The following FAM222B variants were observed in gnomAD, a reference collection of about 807,000 sequenced individuals.
The protein encoded by FAM222B is family with sequence similarity 222 member B.
Under a neutral mutation model 38.0 loss-of-function variants are expected in FAM222B, and 12 were observed. The observed-to-expected ratio is 0.32, with a 90% CI of 0.20 to 0.51. The LOEUF (loss-of-function observed/expected upper bound fraction) is 0.51. Ranked by LOEUF, FAM222B falls within the 20% of genes least tolerant of loss-of-function variation. FAM222B has a pLI of 0.97. For missense variants in FAM222B, 716 were observed against 754.2 expected (o/e 0.95, Z 0.59); for synonymous variants, 329 against 317.2 (o/e 1.04, Z -0.40).
At chr17:28,836,994 T>G (rs910672686) in intron 1 of FAM222B, among the ~76,000 whole-genome samples, 1 of 151,962 alleles carries the variant, frequency 6.6e-6, no homozygotes, top group Non-Finnish European at 1.5e-5. Context: ...GGCGGGCACC[T>G]GTAATCCCAG....
chr17:28,780,257 G>T lies in FAM222B; in HGVS notation c.-40-13550C>A, dbSNP rs181490531. On this transcript the variant is annotated intron_variant, in intron 1 of 2. Coordinates refer to ENST00000581407, the MANE Select transcript of FAM222B (RefSeq NM_001077498.3). ...AGCCACTTTTATTCAACATAGTACT[G>T]TAAGTCCCAGACAGAGCAATTAGGC... is the stretch of plus-strand genomic sequence containing the variant. Among the ~76,000 whole-genome samples, 80 of 152,060 alleles carry T rather than the reference G, an allele frequency of 5.3e-4. No homozygotes were observed. In the Middle Eastern group the frequency reaches 0.02, roughly 39 times the overall value.
In FAM222B at chr17:28,761,805, A is replaced by G. The variant is rs144143592; in HGVS notation, c.83-1929T>C. 8.5e-5 allele frequency among the ~76,000 whole-genome samples: 13 copies of G among 152,286 alleles called. No homozygotes were observed. The East Asian group carries it at 2.5e-3, about 29-fold the overall frequency. On this transcript the variant is annotated intron_variant, in intron 2 of 2. Coordinates refer to ENST00000581407, the MANE Select transcript of FAM222B (RefSeq NM_001077498.3). ...AAAAAGTCTGGGATCACTGATTGAGAGCAAGTCCCTAAACTCAAGACATCA... is the reference window on the plus strand; with the variant it reads ...AAAAAGTCTGGGATCACTGATTGAGGGCAAGTCCCTAAACTCAAGACATCA...
At chr17:28,781,466 A>T (rs914077868) in intron 1 of FAM222B, among the ~76,000 whole-genome samples, 1 of 152,124 alleles carries the variant, frequency 6.6e-6, no homozygotes, top group Non-Finnish European at 1.5e-5. Context: ...ATTAGGAAAA[A>T]CAGTATGGAG....
At chr17:28,784,389 T>C (rs1223488997) in intron 1 of FAM222B, among the ~76,000 whole-genome samples, 1 of 150,060 alleles carries the variant, frequency 6.7e-6, no homozygotes, top group East Asian at 2.0e-4. Context: ...GAGGACAGAA[T>C]TGCTGGAGCT....
At chr17:28,791,055 C>A (rs1050097311) in intron 1 of FAM222B, among the ~76,000 whole-genome samples, 1 of 150,976 alleles carries the variant, frequency 6.6e-6, no homozygotes, top group Non-Finnish European at 1.5e-5. Flanking sequence ...CTACAGGTGC[C>A]CGCCACCACG....
chr17:28,833,680 C>T (rs931912158), intron 1 of FAM222B, among the ~76,000 whole-genome samples: 1 of 150,532 alleles, frequency 6.6e-6, no homozygotes, highest in Non-Finnish European at 1.5e-5. Context: ...AGGACTAGCA[C>T]TGTACTATGA....
chr17:28,775,396 G>A (rs1424700984), intron 1 of FAM222B, among the ~76,000 whole-genome samples: 6 of 150,708 alleles, frequency 4.0e-5, no homozygotes, highest in Non-Finnish European at 8.9e-5. Flanking sequence ...GCATAGCCTC[G>A]CCACTCACAA....
rs1011784098 is a variant in FAM222B at position 28,757,269 on chromosome 17, TCA to T, written c.*999_*1000del. ...AGGGTGAATGTACCTGTGGGGCCACTCACACACAATGCTACTCAAACCCACAC... is the reference window on the plus strand; with the variant it reads ...AGGGTGAATGTACCTGTGGGGCCACTCACACAATGCTACTCAAACCCACAC... On this transcript the variant is annotated 3_prime_UTR_variant, in exon 3 of 3. Coordinates refer to ENST00000581407, the MANE Select transcript of FAM222B (RefSeq NM_001077498.3). 1.3e-5 allele frequency: 2 copies of T among 152,478 alleles called. No individual in the cohort carries two copies. The highest frequency in any genetic ancestry group is 4.8e-5 in the African/African-American group (2 of 41,394). The allele number at this position is 152,478 out of a possible 1,614,324, so 9.4% of individuals were successfully genotyped here. A position where few individuals can be genotyped will look rare whatever the true frequency, so the allele number is the denominator to read the frequency against.
chr17:28,853,279 G>A (rs1045759970), intron 1 of FAM222B, among the ~76,000 whole-genome samples: 3 of 151,960 alleles, frequency 2.0e-5, no homozygotes, highest in East Asian at 3.9e-4. Context: ...TGGGAGGAAC[G>A]CTTGAGACTG....
intron 1 of FAM222B, among the ~76,000 whole-genome samples, chr17:28,814,129 G>A (rs937021023): frequency 2.0e-5 from 3 of 150,784 alleles, no homozygotes; most frequent in Non-Finnish European, 4.4e-5. Flanking sequence ...ACAGTGAGCA[G>A]AGACCGTGCC....
chr17:28,823,972 G>A (rs2038351542), intron 1 of FAM222B, among the ~76,000 whole-genome samples: 2 of 149,586 alleles, frequency 1.3e-5, no homozygotes, highest in Non-Finnish European at 3.0e-5. Context: ...CTGCCTCCCA[G>A]GTTCATGCCA....
intron 1 of FAM222B, among the ~76,000 whole-genome samples, chr17:28,811,461 A>G (rs745544892): frequency 6.6e-6 from 1 of 152,118 alleles, no homozygotes; most frequent in Admixed American, 6.5e-5. Context: ...CAAAAACAAA[A>G]AAACCCCCAC....
At chr17:28,792,311 C>A (rs1232284868) in intron 1 of FAM222B, among the ~76,000 whole-genome samples, 78 of 110,104 alleles carry the variant, frequency 7.1e-4, no homozygotes, top group African/African-American at 8.7e-4. Flanking sequence ...GACTCTGTCT[C>A]AAAAAAAAAA....
At chr17:28,840,784 C>T (rs972783601) in intron 1 of FAM222B, among the ~76,000 whole-genome samples, 2 of 151,326 alleles carry the variant, frequency 1.3e-5, no homozygotes, top group Admixed American at 1.3e-4. Context: ...ATGGAGAAAC[C>T]CCGAGTGTAC....
At chr17:28,790,635 A>T (rs745433094) in intron 1 of FAM222B, among the ~76,000 whole-genome samples, 2 of 152,168 alleles carry the variant, frequency 1.3e-5, no homozygotes, top group Non-Finnish European at 2.9e-5. Context: ...TATAAAGCAT[A>T]TAACTGGTAT....
rs896527277 is a variant in FAM222B, at chr17:28,783,552, G to A, written c.-40-16845C>T. On this transcript the variant is annotated intron_variant, in intron 1 of 2. Transcript: ENST00000581407. Reference sequence around the variant, plus strand: ...TTTTTAAACAAAGTCTCGCTCTGTCGCCCAGGCTGGAGTGCAGTGGCAAAA... The same window carrying A: ...TTTTTAAACAAAGTCTCGCTCTGTCACCCAGGCTGGAGTGCAGTGGCAAAA... Among the ~76,000 whole-genome samples the A allele has an allele frequency of 9.5e-5, 14 of 148,102 alleles. 1 individual carries two copies. The highest frequency in any genetic ancestry group is 1.5e-4 in the Non-Finnish European group (10 of 67,440).
chr17:28,827,761 G>A (rs1437166110), intron 1 of FAM222B, among the ~76,000 whole-genome samples: 1 of 152,136 alleles, frequency 6.6e-6, no homozygotes, highest in Non-Finnish European at 1.5e-5. Flanking sequence ...AAGTGAGGAA[G>A]GAAGATGGAA....
intron 1 of FAM222B, among the ~76,000 whole-genome samples, chr17:28,770,079 T>A (rs1021697686): frequency 6.6e-6 from 1 of 152,166 alleles, no homozygotes; most frequent in African/African-American, 2.4e-5. Context: ...GCCCTTCCTG[T>A]TGTTAACTCC....
At chr17:28,815,837 C>T (rs1347372642) in intron 1 of FAM222B, among the ~76,000 whole-genome samples, 6 of 151,760 alleles carry the variant, frequency 4.0e-5, no homozygotes. Flanking sequence ...TGTGGTGGCG[C>T]GCATCTGTAA....
Sources: gnomAD v4.1 joint callset for allele counts (sites outside exome capture counted in the v4.1 genomes callset) on GRCh38, gnomAD v4.1.1 for gene constraint, MANE v1.5 for transcripts, NCBI Gene and HGNC (gene_info 2026-07-23, HGNC 2026-07-21) for gene names.